The following RAB38 variants were observed in gnomAD, a reference collection of about 807,000 sequenced individuals.
The protein encoded by RAB38 is RAB38, member RAS oncogene family, also known as ras-related protein Rab-38.
Under a neutral mutation model 18.4 loss-of-function variants are expected in RAB38, and 15 were observed. The ratio of observed to expected loss-of-function variants is 0.82; its 90% CI spans 0.55 to 1.26. RAB38 has a LOEUF of 1.26. Ranked by LOEUF, RAB38 falls within the 50% of genes most tolerant of loss-of-function variation. RAB38 has a pLI of 0.00. For synonymous variants in RAB38, 101 were observed against 104.4 expected (o/e 0.97, Z 0.20); for missense variants, 294 against 267.4 (o/e 1.10, Z -0.69).
At chr11:88,174,032 C>T (rs1259781623) in intron 1 of RAB38, 5 of 985,272 alleles carry the variant, frequency 5.1e-6, no homozygotes, top group African/African-American at 1.7e-5. Flanking sequence ...GCACTTATAA[C>T]GAAAGGTTCC....
chr11:88,152,305 A>G (rs1943071706), intron 1 of RAB38, among the ~76,000 whole-genome samples: 1 of 152,238 alleles, frequency 6.6e-6, no homozygotes, highest in African/African-American at 2.4e-5. Flanking sequence ...AGAACAAGGC[A>G]GTCCTCAAGA....
chr11:87,921,832 CTG>C, the RAB38 span, among the ~76,000 whole-genome samples: 1 of 151,504 alleles, frequency 6.6e-6, no homozygotes, highest in East Asian at 2.0e-4. Flanking sequence ...TTCAACAAAA[CTG>C]TAAGTCCCAT....
the RAB38 span, among the ~76,000 whole-genome samples, chr11:88,024,217 G>A: frequency 3.9e-5 from 6 of 151,996 alleles, no homozygotes; most frequent in East Asian, 5.8e-4. Context: ...TAAAATAAAT[G>A]GGCAAAAGAT....
At chr11:87,814,883 AC>A in the RAB38 span, among the ~76,000 whole-genome samples, 2 of 151,598 alleles carry the variant, frequency 1.3e-5, no homozygotes, top group South Asian at 2.1e-4. Context: ...ACAGGCACCC[AC>A]CACAGCGCCC....
the RAB38 span, among the ~76,000 whole-genome samples, chr11:87,893,390 A>ATATATATTTTTT: frequency 1.4e-4 from 13 of 93,888 alleles, no homozygotes; most frequent in South Asian, 4.0e-4. Context: ...ATATATATAT[A>ATATATATTTTTT]TTTTTTTTTT....
the RAB38 span, among the ~76,000 whole-genome samples, chr11:87,891,730 T>C: frequency 6.6e-6 from 1 of 151,878 alleles, no homozygotes; most frequent in Admixed American, 6.6e-5. Context: ...TATCAAGAAT[T>C]TGAAATGTGT....
Position 88,113,328 on chromosome 11 carries a change from A to C in RAB38, c.*660T>G, listed in dbSNP as rs1942498764. The C allele has an allele frequency of 6.5e-6, 1 of 152,714 alleles. No homozygotes were observed. The highest frequency in any genetic ancestry group is 6.5e-5 in the Admixed American group (1 of 15,282). 9.5% of individuals were successfully genotyped at this position (152,714 alleles called of 1,614,324 possible). A position where few individuals can be genotyped will look rare whatever the true frequency, so the allele number is the denominator to read the frequency against. ...AATATATATTACATGTATAGCATGT[A>C]TAGAGGAGCCCCACAGCTTGAGTCA... On this transcript the variant is annotated 3_prime_UTR_variant, in exon 3 of 3. Coordinates refer to ENST00000243662, the MANE Select transcript of RAB38 (RefSeq NM_022337.3).
the RAB38 span, among the ~76,000 whole-genome samples, chr11:88,026,303 C>T: frequency 6.6e-6 from 1 of 151,502 alleles, no homozygotes; most frequent in Non-Finnish European, 1.5e-5. Flanking sequence ...CTGGCTCACA[C>T]CTGTAATCCC....
chr11:87,880,424 G>A, the RAB38 span, among the ~76,000 whole-genome samples: 1 of 151,760 alleles, frequency 6.6e-6, no homozygotes, highest in Non-Finnish European at 1.5e-5. Flanking sequence ...CCACAGTATG[G>A]TAACAGCCTA....
At chr11:88,062,420 C>A in the RAB38 span, among the ~76,000 whole-genome samples, 1 of 152,146 alleles carries the variant, frequency 6.6e-6, no homozygotes, top group African/African-American at 2.4e-5. Flanking sequence ...TCAATTAAAC[C>A]TCTTTTCTTT....
the RAB38 span, among the ~76,000 whole-genome samples, chr11:88,008,308 G>A: frequency 2.0e-5 from 3 of 152,106 alleles, no homozygotes; most frequent in African/African-American, 7.2e-5. Context: ...ATTAAAATCT[G>A]ACCAAAAATC....
At chr11:87,910,960 G>A in the RAB38 span, among the ~76,000 whole-genome samples, 1 of 151,924 alleles carries the variant, frequency 6.6e-6, no homozygotes, top group African/African-American at 2.4e-5. Flanking sequence ...TACGTGGTAT[G>A]GGTTCAAGTT....
the RAB38 span, among the ~76,000 whole-genome samples, chr11:87,975,675 G>C: frequency 2.8e-4 from 42 of 151,718 alleles, no homozygotes; most frequent in South Asian, 2.1e-4. Context: ...AAATTATTGA[G>C]AGATTCCTTC....
intron 2 of RAB38, among the ~76,000 whole-genome samples, chr11:88,116,230 G>A (rs1942550586): frequency 6.6e-6 from 1 of 152,146 alleles, no homozygotes; most frequent in African/African-American, 2.4e-5. Context: ...CTGAGTGGAA[G>A]CCTGTCCGAT....
At chr11:87,962,132 C>A in the RAB38 span, among the ~76,000 whole-genome samples, 1 of 152,290 alleles carries the variant, frequency 6.6e-6, no homozygotes, top group South Asian at 2.1e-4. Flanking sequence ...ATCCTCCCTT[C>A]CTCTCTCAGA....
the RAB38 span, among the ~76,000 whole-genome samples, chr11:88,044,644 G>A: frequency 1.3e-5 from 2 of 152,112 alleles, no homozygotes; most frequent in Non-Finnish European, 2.9e-5. Context: ...GGTCTGAGGT[G>A]CCTGACGTCC....
At chr11:88,169,086 A>C (rs1030200708) in intron 1 of RAB38, among the ~76,000 whole-genome samples, 1 of 152,144 alleles carries the variant, frequency 6.6e-6, no homozygotes, top group African/African-American at 2.4e-5. Context: ...GTATGTAAAA[A>C]AGTGCTGTCT....
chr11:87,882,551 C>T, the RAB38 span, among the ~76,000 whole-genome samples: 1 of 151,832 alleles, frequency 6.6e-6, no homozygotes, highest in Non-Finnish European at 1.5e-5. Flanking sequence ...GAATCATTTG[C>T]TTCCTGCTAG....
chr11:88,173,545 A>G (rs1461462768), intron 1 of RAB38: 1 of 985,324 alleles, frequency 1.0e-6, no homozygotes, highest in Non-Finnish European at 1.2e-6. Context: ...CTACAGACAT[A>G]GAACTTCTCT....
Sources: gnomAD v4.1 joint callset for allele counts (sites outside exome capture counted in the v4.1 genomes callset) on GRCh38, gnomAD v4.1.1 for gene constraint, MANE v1.5 for transcripts, NCBI Gene and HGNC (gene_info 2026-07-23, HGNC 2026-07-21) for gene names.